ELP4: variants seen among roughly 807,000 people sequenced by gnomAD.
ELP4 encodes the protein elongator complex protein 4.
In ELP4, 51 loss-of-function variants were observed where a neutral mutation model predicts 48.9. The observed-to-expected ratio is 1.04, with a 90% confidence interval of 0.83 to 1.32. ELP4 has a LOEUF of 1.32. ELP4 is among the 40% of genes most tolerant of loss of function. ELP4 has a pLI of 0.00. For missense variants in ELP4, 519 were observed against 514.6 expected (o/e 1.01, Z -0.08); for synonymous variants, 210 against 189.2 (o/e 1.11, Z -0.90).
At chr11:31,625,491 T>C (rs184787418) in intron 5 of ELP4, among the ~76,000 whole-genome samples, 1 of 151,874 alleles carries the variant, frequency 6.6e-6, no homozygotes, top group African/African-American at 2.4e-5. Context: ...AGAAATCTTG[T>C]CATTTGTGAC....
chr11:31,724,011 G>T (rs1053609204), intron 9 of ELP4, among the ~76,000 whole-genome samples: 15 of 152,160 alleles, frequency 9.9e-5, no homozygotes, highest in African/African-American at 3.6e-4. Context: ...GGGATTTATG[G>T]ATACTTCAAA....
intron 9 of ELP4, among the ~76,000 whole-genome samples, chr11:31,703,162 C>T (rs747905059): frequency 2.1e-4 from 32 of 152,150 alleles, no homozygotes; most frequent in Admixed American, 5.2e-4. Flanking sequence ...CCAGTGACTA[C>T]GTGTTTGGTC....
In ELP4 at chr11:31,741,176, G is replaced by T. The variant is rs182176204; in HGVS notation, c.1144-42217G>T. Among the ~76,000 whole-genome samples the T allele has an allele frequency of 1.7e-3, 257 of 152,268 alleles. 6 individuals carry two copies. The East Asian group carries it at 0.037, about 22-fold the overall frequency. ...CAGTCCGAGATCAAACTGCAAGGTG[G>T]CAGCGAGGCTAGGGGAGGGGCGCCC... On this transcript the variant is annotated intron_variant, in intron 9 of 9. Coordinates refer to ENST00000640961, the MANE Select transcript of ELP4 (RefSeq NM_019040.5).
chr11:31,750,022 AT>A (rs879322563), intron 9 of ELP4, among the ~76,000 whole-genome samples: 1,961 of 142,410 alleles, frequency 0.014, 35 homozygotes, highest in African/African-American at 0.04. Context: ...TGCCCAGCTA[AT>A]TTTTTTTTTT....
intron 9 of ELP4, among the ~76,000 whole-genome samples, chr11:31,757,406 G>A (rs988944808): frequency 1.3e-5 from 2 of 151,688 alleles, no homozygotes; most frequent in Non-Finnish European, 2.9e-5. Context: ...ACCATGCCAA[G>A]CATGATATTT....
intron 3 of ELP4, among the ~76,000 whole-genome samples, 167 bp from the exon 4 acceptor site, chr11:31,594,600 CTTG>C (rs1957641972): frequency 6.6e-6 from 1 of 151,918 alleles, no homozygotes; most frequent in African/African-American, 2.4e-5. Flanking sequence ...TTGTATTATA[CTTG>C]TTTTCTCTGT....
intron 9 of ELP4, among the ~76,000 whole-genome samples, chr11:31,744,744 A>T (rs989383519): frequency 6.6e-6 from 1 of 152,150 alleles, no homozygotes; most frequent in Non-Finnish European, 1.5e-5. Flanking sequence ...GTATCTCAAA[A>T]TAATAAGAGC....
intron 9 of ELP4, among the ~76,000 whole-genome samples, chr11:31,710,213 C>T (rs1195514360): frequency 1.3e-5 from 2 of 152,238 alleles, no homozygotes; most frequent in South Asian, 2.1e-4. Context: ...ATCAGAGCAA[C>T]GTTCTGGAGA....
chr11:31,736,000 AAG>A (rs1375705460), intron 9 of ELP4, among the ~76,000 whole-genome samples: 4 of 152,200 alleles, frequency 2.6e-5, no homozygotes, highest in Non-Finnish European at 5.9e-5. Context: ...GGAACCAAAA[AAG>A]AGCCCGCATT....
At chr11:31,571,305 C>T (rs1172037957) in intron 3 of ELP4, among the ~76,000 whole-genome samples, 2 of 152,152 alleles carry the variant, frequency 1.3e-5, no homozygotes, top group Admixed American at 6.5e-5. Flanking sequence ...AAAAATAACA[C>T]TTTTTTCTTG....
At chr11:31,616,792 A>G (rs946847242) in intron 5 of ELP4, among the ~76,000 whole-genome samples, 1 of 152,138 alleles carries the variant, frequency 6.6e-6, no homozygotes, top group African/African-American at 2.4e-5. Flanking sequence ...AAGATGATAT[A>G]CAGAAGGCTA....
intron 9 of ELP4, chr11:31,662,979 G>C (rs759262807): frequency 2.1e-4 from 34 of 161,568 alleles, no homozygotes; most frequent in Non-Finnish European, 3.9e-4. Context: ...GTCTCTACCA[G>C]ATTCTTTCAA....
chr11:31,703,657 A>G (rs1264028341), intron 9 of ELP4, among the ~76,000 whole-genome samples: 1 of 152,198 alleles, frequency 6.6e-6, no homozygotes, highest in Non-Finnish European at 1.5e-5. Flanking sequence ...CTTACACCTT[A>G]GTTGTGATTA....
At chr11:31,669,224 G>A (rs990724362) in intron 9 of ELP4, among the ~76,000 whole-genome samples, 4 of 151,864 alleles carry the variant, frequency 2.6e-5, no homozygotes, top group Admixed American at 6.6e-5. Flanking sequence ...TCAGCCTCCC[G>A]AGTAGCTGGG....
intron 5 of ELP4, among the ~76,000 whole-genome samples, chr11:31,622,424 A>T (rs992162080): frequency 3.3e-5 from 5 of 151,560 alleles, no homozygotes; most frequent in Admixed American, 3.3e-4. Flanking sequence ...GACTTTTGCT[A>T]AGTGTTCCTT....
chr11:31,704,840 G>C (rs905844534), intron 9 of ELP4, among the ~76,000 whole-genome samples: 1 of 151,412 alleles, frequency 6.6e-6, no homozygotes, highest in African/African-American at 2.4e-5. Flanking sequence ...GTGGAACCCC[G>C]TCTCTACTAA....
In ELP4 at chr11:31,789,272, A is replaced by G. The variant is rs570775936; in HGVS notation, c.*5748A>G. 4.5e-6 allele frequency: 1 copy of G among 221,240 alleles called. No homozygotes were observed. Among genetic ancestry groups the G allele is most frequent in the African/African-American group, 2.2e-5 (1 of 44,744 alleles). The allele number at this position is 221,240 out of a possible 1,614,324, so 13.7% of individuals were successfully genotyped here. On this transcript the variant is annotated 3_prime_UTR_variant, in exon 10 of 10. Transcript: ENST00000640961. ...GGAAGACAAATACTTACATTTTGAC[A>G]TAAAACAAATTGGATTATATCGAAG...
At chr11:31,648,818 A>C (rs1298822185) in intron 8 of ELP4, 1 of 151,608 alleles carries the variant, frequency 6.6e-6, no homozygotes, top group Non-Finnish European at 1.5e-5. Flanking sequence ...CTGAATTGAT[A>C]AATTATTTTC....
At chr11:31,778,160 A>G (rs927267818) in intron 9 of ELP4, among the ~76,000 whole-genome samples, 1 of 152,230 alleles carries the variant, frequency 6.6e-6, no homozygotes, top group East Asian at 1.9e-4. Flanking sequence ...CAGGTTTTAA[A>G]AATAAAATGC....
Sources: gnomAD v4.1 joint callset for allele counts (sites outside exome capture counted in the v4.1 genomes callset) on GRCh38, gnomAD v4.1.1 for gene constraint, MANE v1.5 for transcripts, NCBI Gene and HGNC (gene_info 2026-07-23, HGNC 2026-07-21) for gene names.